The following ZNF407 variants were observed in gnomAD, a reference collection of about 807,000 sequenced individuals.
ZNF407 encodes the protein zinc finger protein 407.
A neutral mutation model predicts 131.2 loss-of-function variants in ZNF407; 17 were observed. The ratio of observed to expected loss-of-function variants is 0.13; its 90% CI spans 0.09 to 0.19. ZNF407 has a LOEUF of 0.19. Ranked by LOEUF, ZNF407 falls within the 10% of genes least tolerant of loss-of-function variation. ZNF407 has a pLI of 1.00. For synonymous variants in ZNF407, 1,156 were observed against 1,062.0 expected (o/e 1.09, Z -1.72); for missense variants, 2,681 against 2,830.6 (o/e 0.95, Z 1.20).
At chr18:74,610,960 A>AT (rs1983033670) in intron 1 of ZNF407, among the ~76,000 whole-genome samples, 1 of 152,148 alleles carries the variant, frequency 6.6e-6, no homozygotes, top group African/African-American at 2.4e-5. Flanking sequence ...AAATTTTCCA[A>AT]TTTTTTGTCT....
At chr18:74,666,468 G>A (rs899283915) in intron 3 of ZNF407, among the ~76,000 whole-genome samples, 1 of 152,164 alleles carries the variant, frequency 6.6e-6, no homozygotes, top group African/African-American at 2.4e-5. Flanking sequence ...ATGGAGCCCA[G>A]TTGCCTTCCG....
At chr18:74,955,486 C>G (rs983233201) in intron 8 of ZNF407, among the ~76,000 whole-genome samples, 11 of 152,178 alleles carry the variant, frequency 7.2e-5, no homozygotes, top group African/African-American at 2.7e-4. Flanking sequence ...ATATATGGAG[C>G]TGGCGCTGGG....
chr18:74,824,554 A>G (rs1417354378), intron 4 of ZNF407, among the ~76,000 whole-genome samples: 1 of 152,214 alleles, frequency 6.6e-6, no homozygotes, highest in African/African-American at 2.4e-5. Context: ...CCACAGAAAT[A>G]CAAACTACCA....
chr18:75,027,572 T>C (rs1199522664), intron 8 of ZNF407, among the ~76,000 whole-genome samples: 4 of 152,066 alleles, frequency 2.6e-5, no homozygotes, highest in African/African-American at 4.8e-5. Flanking sequence ...GGAGGGAGCA[T>C]TGGTCAATGA....
At chr18:75,023,970 G>C (rs1973141835) in intron 8 of ZNF407, among the ~76,000 whole-genome samples, 1 of 152,154 alleles carries the variant, frequency 6.6e-6, no homozygotes, top group South Asian at 2.1e-4. Context: ...ACTGTGCTAA[G>C]TTATGGGGCA....
intron 7 of ZNF407, among the ~76,000 whole-genome samples, chr18:74,917,863 A>G (rs752586614): frequency 2.6e-5 from 4 of 152,232 alleles, no homozygotes; most frequent in Non-Finnish European, 5.9e-5. Flanking sequence ...TGGTGGTACC[A>G]AAGAATCTCC....
intron 3 of ZNF407, among the ~76,000 whole-genome samples, chr18:74,704,427 A>G (rs1285134155): frequency 6.6e-6 from 1 of 152,208 alleles, no homozygotes; most frequent in Non-Finnish European, 1.5e-5. Context: ...AGGCCGGTTC[A>G]GTAGAGTTTA....
rs750044540 is a variant in ZNF407 at position 74,634,313 on chromosome 18, A to C, written c.3294A>C (p.Glu1098Asp). The C allele has an allele frequency of 1.9e-6, 3 of 1,614,018 alleles. No individual in the cohort carries two copies. Among genetic ancestry groups the C allele is most frequent in the Non-Finnish European group, 2.5e-6 (3 of 1,179,872 alleles). The change falls in exon 2 of 9, where the codon GAA (glutamate) becomes GAC (aspartate). Residue 1098 changes from glutamate to aspartate, a missense_variant. Transcript: ENST00000299687. Reference sequence around the variant, plus strand: ...TGTCCAAAAACATCATTATGCCTGAAGAAGAGCATCAACAAAATTCTGAGG... The same window carrying C: ...TGTCCAAAAACATCATTATGCCTGACGAAGAGCATCAACAAAATTCTGAGG... ...ADMSKNIIMP[E>D]EEHQQNSEEF...
intron 3 of ZNF407, among the ~76,000 whole-genome samples, chr18:74,749,355 C>T (rs544004229): frequency 6.6e-6 from 1 of 152,156 alleles, no homozygotes; most frequent in Non-Finnish European, 1.5e-5. Context: ...CTGGAAAACA[C>T]TACTTCATCA....
chr18:74,940,501 G>C (rs1972084627), intron 8 of ZNF407, among the ~76,000 whole-genome samples: 2 of 152,162 alleles, frequency 1.3e-5, no homozygotes, highest in Admixed American at 6.5e-5. Context: ...ACCAGAGGAA[G>C]CTGATGCGCT....
rs533053192 is a variant in ZNF407 at position 74,632,290 on chromosome 18, G to A, written c.1271G>A (p.Gly424Asp). The change falls in exon 2 of 9, where the codon GGT becomes GAT. Residue 424 changes from glycine to aspartate, a missense_variant. Around this residue, in one of 6 missense-constraint regions of ZNF407, gnomAD observed 1,789 missense variants for 1,748.7 expected, o/e 1.02. Coordinates refer to ENST00000299687, the MANE Select transcript of ZNF407 (RefSeq NM_017757.3). ...CCTGAGCGAAATATTCTCGTGTTGG[G>A]TAATAGCTTTCGTCGACGAAGCAGC... ...PRPERNILVL[G>D]NSFRRRSSTF... 2 of 1,613,936 alleles carry A rather than the reference G, an allele frequency of 1.2e-6. No individual in the cohort carries two copies. The highest frequency in any genetic ancestry group is 1.7e-5 in the Admixed American group (1 of 60,026).
In ZNF407 at chr18:75,063,381, C is replaced by T. The variant is rs1341898667; in HGVS notation, c.5660C>T (p.Ala1887Val). 7 of 1,611,088 alleles carry T rather than the reference C, an allele frequency of 4.3e-6. No individual in the cohort carries two copies. Among genetic ancestry groups the T allele is most frequent in the African/African-American group, 4.0e-5 (3 of 74,902 alleles). ...GACCCCTCGGTGGAGGAGACGGCCG[C>T]CGCCACGCTGCAGACGCTGGCCATG... The part of the protein sequence containing the change: ...ALDPSVEETA[A>V]ATLQTLAMAG... Residue 1887 changes from alanine (A) to valine (V), a missense_variant, in exon 9 of 9, where the codon GCC becomes GTC. Ala to Val is a moderately conservative substitution (Grantham distance 64). Coordinates refer to ENST00000299687, the MANE Select transcript of ZNF407 (RefSeq NM_017757.3). This position sits in a 1 kb window ranked among gnomAD's most constrained non-coding sequence, Gnocchi z 6.6.
rs752727898 is a variant in ZNF407 at position 74,676,655 on chromosome 18, C to G, written c.4802+35533C>G. On this transcript the variant is annotated intron_variant, in intron 3 of 8. Coordinates refer to ENST00000299687, the MANE Select transcript of ZNF407 (RefSeq NM_017757.3). ...TTCACCGTGTTAGCCAGGATGGTCT[C>G]GATCTCCTGACCTCGTGATCTGCCC... Among the ~76,000 whole-genome samples, 9 of 151,860 alleles carry G rather than the reference C, an allele frequency of 5.9e-5. No homozygotes were observed. The East Asian group carries it at 7.8e-4, about 13-fold the overall frequency.
At chr18:74,956,666 G>A (rs1253339040) in intron 8 of ZNF407, among the ~76,000 whole-genome samples, 1 of 152,140 alleles carries the variant, frequency 6.6e-6, no homozygotes, top group Non-Finnish European at 1.5e-5. Flanking sequence ...GTCAGGGTTG[G>A]TTTCATGGAG....
chr18:74,630,357 G>A (rs148409916), intron 1 of ZNF407, among the ~76,000 whole-genome samples: 3,981 of 152,040 alleles, frequency 0.026, 73 homozygotes, highest in Non-Finnish European at 0.041. Flanking sequence ...ATTTTTAGTA[G>A]CGACAGGGTT....
intron 3 of ZNF407, among the ~76,000 whole-genome samples, chr18:74,688,846 TCAGA>T (rs1388969460): frequency 6.6e-6 from 1 of 152,186 alleles, no homozygotes; most frequent in Non-Finnish European, 1.5e-5. Context: ...TTCTTTTTTT[TCAGA>T]CAGAGTCTCG....
intron 8 of ZNF407, among the ~76,000 whole-genome samples, chr18:75,035,977 C>T (rs2122231715): frequency 6.6e-6 from 1 of 152,302 alleles, no homozygotes; most frequent in African/African-American, 2.4e-5. Flanking sequence ...CCAGAGGTGG[C>T]AGGAATGGGT....
chr18:74,808,515 A>G (rs550006532), intron 4 of ZNF407, among the ~76,000 whole-genome samples: 1 of 152,322 alleles, frequency 6.6e-6, no homozygotes, highest in South Asian at 2.1e-4. Context: ...TTAAATTTCA[A>G]TTTTTGTGTC....
Position 75,008,087 on chromosome 18 carries a change from G to A in ZNF407, c.5429-55063G>A, listed in dbSNP as rs144548375. ...GAGATGAGGCTGGACAGTTGAATTGGGAGTGAATTGGGAAGTTCACTGAAT... is the reference window on the plus strand; with the variant it reads ...GAGATGAGGCTGGACAGTTGAATTGAGAGTGAATTGGGAAGTTCACTGAAT... On this transcript the variant is annotated intron_variant, in intron 8 of 8. Coordinates refer to ENST00000299687, the MANE Select transcript of ZNF407 (RefSeq NM_017757.3). Among the ~76,000 whole-genome samples, 619 of 152,324 alleles carry A rather than the reference G, an allele frequency of 4.1e-3. 3 individuals carry two copies. The highest frequency in any genetic ancestry group is 0.014 in the African/African-American group (569 of 41,574).
Sources: gnomAD v4.1 joint callset for allele counts (sites outside exome capture counted in the v4.1 genomes callset) on GRCh38, gnomAD v4.1.1 for gene constraint, gnomAD v4.1.1 regional missense constraint, Gnocchi (gnomAD v3.1) non-coding constraint, MANE v1.5 for transcripts, NCBI Gene and HGNC (gene_info 2026-07-23, HGNC 2026-07-21) for gene names.